CELF1: variants seen among roughly 807,000 people sequenced by gnomAD.
The protein encoded by CELF1 is 50 kDa nuclear polyadenylated RNA-binding protein.
Under a neutral mutation model 61.8 loss-of-function variants are expected in CELF1, and 10 were observed. The observed-to-expected ratio is 0.16, with a 90% CI of 0.10 to 0.27. The LOEUF is 0.27. CELF1 is among the 10% of genes least tolerant of loss of function. The pLI, the probability that CELF1 is intolerant of heterozygous loss-of-function variation, is 1.00. For synonymous variants in CELF1, 236 were observed against 225.1 expected (o/e 1.05, Z -0.43); for missense variants, 380 against 639.1 (o/e 0.59, Z 4.37).
At chr11:47,488,714 A>C in intron 4 of CELF1, 123 bp downstream of exon 4, 2 of 668,176 alleles carry the variant, frequency 3.0e-6, no homozygotes, top group Non-Finnish European at 4.7e-6. Context: ...GACAGAGAGA[A>C]TGCACATGAA....
exon 1 of CELF1, chr11:47,565,434 G>A (rs2097241915): frequency 4.6e-6 from 2 of 434,496 alleles, no homozygotes; most frequent in African/African-American, 2.1e-5. Flanking sequence ...TCCCTCCTCC[G>A]AGGCCGCCGG....
chr11:47,509,915 G>T (rs1193225532), intron 1 of CELF1, among the ~76,000 whole-genome samples: 1 of 106,640 alleles, frequency 9.4e-6, no homozygotes, highest in African/African-American at 3.2e-5. Context: ...AAAAAAAAAT[G>T]GCCGGACATG....
chr11:47,516,134 G>A (rs2095540026), intron 1 of CELF1, among the ~76,000 whole-genome samples: 1 of 146,776 alleles, frequency 6.8e-6, no homozygotes, highest in African/African-American at 2.5e-5. Flanking sequence ...AACCCAGGAG[G>A]TGAACTGAAA....
chr11:47,473,999 C>T (rs927979492), intron 13 of CELF1, among the ~76,000 whole-genome samples: 2 of 152,010 alleles, frequency 1.3e-5, no homozygotes, highest in South Asian at 2.1e-4. Context: ...CTCCGCCTCC[C>T]GGGTTCAAGC....
intron 3 of CELF1, among the ~76,000 whole-genome samples, chr11:47,498,568 C>G (rs891670060): frequency 6.6e-6 from 1 of 152,184 alleles, no homozygotes; most frequent in African/African-American, 2.4e-5. Context: ...CACTTGTTAT[C>G]TAGAGAATAT....
At chr11:47,512,507 T>C (rs2095277173) in intron 1 of CELF1, among the ~76,000 whole-genome samples, 1 of 151,446 alleles carries the variant, frequency 6.6e-6, no homozygotes, top group African/African-American at 2.4e-5. Flanking sequence ...CAGCTAATTT[T>C]TTTTGTATTT....
At chr11:47,532,479 C>A (rs1420320512) in intron 1 of CELF1, among the ~76,000 whole-genome samples, 1 of 152,242 alleles carries the variant, frequency 6.6e-6, no homozygotes, top group Non-Finnish European at 1.5e-5. Context: ...GCTGCCTGCC[C>A]AGGATGCTGT....
chr11:47,476,271 T>A (rs980380924), intron 12 of CELF1, among the ~76,000 whole-genome samples: 5 of 152,180 alleles, frequency 3.3e-5, no homozygotes, highest in Non-Finnish European at 5.9e-5. Context: ...GGACTATAGG[T>A]ATGAGCCACT....
chr11:47,558,605 T>G (rs1278044472), intron 2 of CELF1, among the ~76,000 whole-genome samples: 1 of 109,206 alleles, frequency 9.2e-6, no homozygotes, highest in Admixed American at 1.3e-4. Context: ...TATATATGTA[T>G]AAAATATGTG....
At chr11:47,549,982 A>C (rs1186911403) in intron 1 of CELF1, among the ~76,000 whole-genome samples, 4 of 151,912 alleles carry the variant, frequency 2.6e-5, no homozygotes, top group African/African-American at 9.7e-5. Flanking sequence ...ACACCTGGTT[A>C]ATTTCTGTAT....
Position 47,477,340 on chromosome 11 carries a change from A to G in CELF1, c.930T>C (p.Ala310=). The G allele has an allele frequency of 6.2e-7, 1 of 1,614,102 alleles. No individual in the cohort carries two copies. Among genetic ancestry groups the G allele is most frequent in the Non-Finnish European group, 8.5e-7 (1 of 1,179,996 alleles). Residue 310 remains alanine, a synonymous_variant, in exon 11 of 15, where the codon GCT becomes GCC. Transcript: ENST00000687097. ...AAQNTPSGTN[A]LTTSSSPLSV... is the part of the protein sequence containing the mutation. ...TGAGGGGACTGCTGGATGTAGTGAG[A>G]GCATTGGTACCACTTGGTGTGTTCT...
intron 7 of CELF1, 61 bp downstream of exon 7, chr11:47,484,328 A>AC (rs2085312682): frequency 6.4e-7 from 1 of 1,567,062 alleles, no homozygotes; most frequent in Non-Finnish European, 8.6e-7. Flanking sequence ...AAAAAAAAAA[A>AC]AACCCCAAAC....
chr11:47,561,304 G>A (rs2097224359), intron 2 of CELF1, among the ~76,000 whole-genome samples: 1 of 151,516 alleles, frequency 6.6e-6, no homozygotes, highest in African/African-American at 2.4e-5. Context: ...TAAGCCGGGT[G>A]TGGTAGCGGG....
chr11:47,518,010 C>T (rs1429873089), intron 1 of CELF1, among the ~76,000 whole-genome samples: 1 of 152,034 alleles, frequency 6.6e-6, no homozygotes, highest in Non-Finnish European at 1.5e-5. Context: ...ACACCGTATC[C>T]CCTTGTCCAC....
chr11:47,508,584 A>T (rs1336851884), intron 1 of CELF1, among the ~76,000 whole-genome samples: 2 of 134,542 alleles, frequency 1.5e-5, no homozygotes, highest in African/African-American at 5.4e-5. Context: ...AAAAAAAAAA[A>T]AACCCAAAAG....
At position 47,553,113 on chromosome 11, in the gene CELF1, C is replaced by G. The variant is rs1168137239; in HGVS notation, c.-275G>C. The G allele has an allele frequency of 2.5e-6, 1 of 398,284 alleles. No individual in the cohort carries two copies. Among genetic ancestry groups the G allele is most frequent in the East Asian group, 3.6e-5 (1 of 28,068 alleles). The allele number at this position is 398,284 out of a possible 1,614,324, so 24.7% of individuals were successfully genotyped here. On this transcript the variant is annotated 5_prime_UTR_variant, in exon 1 of 15. Coordinates refer to ENST00000687097, the MANE Select transcript of CELF1 (RefSeq NM_001376376.1). ...CCTCCGCGTCCCGCCGCCGCTGCCG[C>G]TGCCGCCAGAGCAGAACACCCCAAA...
At chr11:47,538,093 T>C (rs1428787850) in intron 1 of CELF1, among the ~76,000 whole-genome samples, 2 of 151,970 alleles carry the variant, frequency 1.3e-5, no homozygotes, top group East Asian at 1.9e-4. Context: ...ATAATTTTAT[T>C]TGTAGAGACA....
chr11:47,483,822 G>T (rs559059371), intron 7 of CELF1, among the ~76,000 whole-genome samples: 5 of 152,066 alleles, frequency 3.3e-5, no homozygotes, highest in African/African-American at 1.2e-4. Context: ...TGGCATCAAG[G>T]ATCTTGCAAA....
chr11:47,537,043 T>C (rs1727756905), intron 1 of CELF1, among the ~76,000 whole-genome samples: 1 of 152,162 alleles, frequency 6.6e-6, no homozygotes. Context: ...TACTATTTCC[T>C]TGATTTTATT....
Sources: gnomAD v4.1 joint callset for allele counts (sites outside exome capture counted in the v4.1 genomes callset) on GRCh38, gnomAD v4.1.1 for gene constraint, MANE v1.5 for transcripts, NCBI Gene and HGNC (gene_info 2026-07-23, HGNC 2026-07-21) for gene names.